EPG5: variants seen among roughly 807,000 people sequenced by gnomAD.
The protein encoded by EPG5 is ectopic P-granules 5 autophagy tethering factor.
Under a neutral mutation model 302.7 loss-of-function variants are expected in EPG5, and 159 were observed. That is an observed-to-expected ratio of 0.53 (90% CI 0.46 to 0.60). The LOEUF is 0.60. Ranked by LOEUF, EPG5 falls within the 20% of genes least tolerant of loss-of-function variation. The pLI is 0.00. For missense variants in EPG5, 2,896 were observed against 3,092.4 expected, an observed-to-expected ratio of 0.94 and a Z score of 1.51; for synonymous variants, 1,158 against 1,136.8, an observed-to-expected ratio of 1.02 and a Z score of -0.37.
chr18:45,928,545 T>C (rs1318684788), intron 13 of EPG5, among the ~76,000 whole-genome samples: 1 of 152,180 alleles, frequency 6.6e-6, no homozygotes, highest in Non-Finnish European at 1.5e-5. Context: ...GTATAAAATA[T>C]AAAAACTATG....
At chr18:45,922,651 A>T in intron 15 of EPG5, 51 bp from the exon 16 acceptor site, 1 of 1,592,822 alleles carries the variant, frequency 6.3e-7, no homozygotes, top group Non-Finnish European at 8.6e-7. Flanking sequence ...AAATTAAATC[A>T]GTAAGCTCAT....
Position 45,847,759 on chromosome 18 carries a change from G to A in EPG5, c.*4708C>T, listed in dbSNP as rs2048377133. ...AAGTAGTGAATATTGCACATTTAAT[G>A]TCCAAAATAAAGTTGTGGTTTTTAA... On this transcript the variant is annotated 3_prime_UTR_variant, in exon 44 of 44. Transcript: ENST00000282041. The A allele has an allele frequency of 6.6e-6, 1 of 152,342 alleles. No individual in the cohort carries two copies. Among genetic ancestry groups the A allele is most frequent in the Non-Finnish European group, 1.5e-5 (1 of 68,016 alleles). The allele number at this position is 152,342 out of a possible 1,614,324, so 9.4% of individuals were successfully genotyped here.
intron 11 of EPG5, among the ~76,000 whole-genome samples, chr18:45,932,138 A>G (rs2050408619): frequency 6.6e-6 from 1 of 152,134 alleles, no homozygotes; most frequent in African/African-American, 2.4e-5. Flanking sequence ...GGATATTTAA[A>G]AAGAAAAAAA....
In EPG5 at chr18:45,848,038, G is replaced by A. The variant is rs2048380647; in HGVS notation, c.*4429C>T. The stretch of plus-strand genomic sequence containing the variant: ...CATCAGGAATCAGGAACCTACCAGA[G>A]TGAAGGAAACCTCAAATACAGCTAC... On this transcript the variant is annotated 3_prime_UTR_variant, in exon 44 of 44. Coordinates refer to ENST00000282041, the MANE Select transcript of EPG5 (RefSeq NM_020964.3). The A allele has an allele frequency of 6.6e-6, 1 of 151,908 alleles. No homozygotes were observed. Among genetic ancestry groups the A allele is most frequent in the Non-Finnish European group, 1.5e-5 (1 of 68,002 alleles). The allele number at this position is 151,908 out of a possible 1,614,324, so 9.4% of individuals were successfully genotyped here. A position where few individuals can be genotyped will look rare whatever the true frequency, so the allele number is the denominator to read the frequency against.
chr18:45,821,558 T>C, the EPG5 span, among the ~76,000 whole-genome samples: 3 of 152,174 alleles, frequency 2.0e-5, no homozygotes, highest in African/African-American at 7.2e-5. Flanking sequence ...AAAGATTTGA[T>C]GAGTAAGACC....
the EPG5 span, among the ~76,000 whole-genome samples, chr18:45,835,438 G>A: frequency 3.9e-5 from 6 of 152,178 alleles, no homozygotes; most frequent in Admixed American, 3.3e-4. Context: ...GCACACAAGG[G>A]CCAAAGTAAC....
At chr18:45,817,122 G>T in the EPG5 span, among the ~76,000 whole-genome samples, 54 of 152,264 alleles carry the variant, frequency 3.5e-4, no homozygotes, top group African/African-American at 1.3e-3. Flanking sequence ...GGGGGAATGC[G>T]TGGGAAGTGG....
chr18:45,824,256 G>A, the EPG5 span, among the ~76,000 whole-genome samples: 1 of 152,202 alleles, frequency 6.6e-6, no homozygotes, highest in Non-Finnish European at 1.5e-5. Context: ...GCCCAGGCTG[G>A]AGGGCAGTGG....
the EPG5 span, chr18:45,838,440 G>A: frequency 5.9e-6 from 3 of 512,770 alleles, no homozygotes; most frequent in South Asian, 2.9e-5. Context: ...CTAGGGAGCC[G>A]GGACCTAGTC....
At chr18:45,961,086 T>C (rs1346113511) in intron 1 of EPG5, among the ~76,000 whole-genome samples, 1 of 152,200 alleles carries the variant, frequency 6.6e-6, no homozygotes, top group Non-Finnish European at 1.5e-5. Context: ...GCAAACCCTC[T>C]TGGCTCTCAG....
chr18:45,952,293 A>C, intron 3 of EPG5, 107 bp downstream of exon 3: 3 of 1,360,408 alleles, frequency 2.2e-6, no homozygotes, highest in Non-Finnish European at 3.0e-6. Flanking sequence ...GCAAGCACAA[A>C]TGGTACCTTG....
the EPG5 span, among the ~76,000 whole-genome samples, chr18:45,808,038 T>C: frequency 6.6e-6 from 1 of 152,082 alleles, no homozygotes; most frequent in Middle Eastern, 3.4e-3. Flanking sequence ...TAAAAAACAA[T>C]AGAAACTTCA....
chr18:45,847,519 T>C (rs745391850), downstream of EPG5: 1 of 152,342 alleles, frequency 6.6e-6, no homozygotes, highest in Non-Finnish European at 1.5e-5. Flanking sequence ...ATTACGAAGT[T>C]TCTCATATAA....
intron 35 of EPG5, 89 bp downstream of exon 35, chr18:45,876,147 A>G (rs535051520): frequency 7.0e-6 from 6 of 853,466 alleles, no homozygotes; most frequent in Non-Finnish European, 1.1e-5. Flanking sequence ...CCTATTAAAT[A>G]AAAATTAAAT....
chr18:45,902,356 A>G (rs1414777747), intron 25 of EPG5, among the ~76,000 whole-genome samples: 1 of 152,208 alleles, frequency 6.6e-6, no homozygotes. Flanking sequence ...TCACCACTGG[A>G]TAAGACTTGT....
chr18:45,853,396 TAGG>T (rs935146072), intron 43 of EPG5, among the ~76,000 whole-genome samples: 18 of 152,334 alleles, frequency 1.2e-4, no homozygotes, highest in African/African-American at 3.6e-4. Flanking sequence ...TTCTTCATAG[TAGG>T]AGAAGAGAAG....
At chr18:45,835,701 A>G in the EPG5 span, among the ~76,000 whole-genome samples, 2 of 152,188 alleles carry the variant, frequency 1.3e-5, no homozygotes, top group African/African-American at 4.8e-5. Context: ...TAACACTTTT[A>G]CCTGATGGCA....
chr18:45,867,544 A>G lies in EPG5; in HGVS notation c.6411+19T>C. On this transcript the variant is annotated intron_variant, in intron 37 of 43. Coordinates refer to ENST00000282041, the MANE Select transcript of EPG5 (RefSeq NM_020964.3). ...TAAGCAGCCTTGCCGAATTTTTGCC[A>G]TAAGCTTCCCAAACTTACTGTTTGG... The G allele has an allele frequency of 1.9e-6, 3 of 1,609,844 alleles. No individual in the cohort carries two copies. Among genetic ancestry groups the G allele is most frequent in the Non-Finnish European group, 2.5e-6 (3 of 1,177,408 alleles).
At chr18:45,835,654 G>A in the EPG5 span, among the ~76,000 whole-genome samples, 4 of 152,162 alleles carry the variant, frequency 2.6e-5, no homozygotes, top group African/African-American at 9.7e-5. Context: ...ATGTCCAATT[G>A]TTTGTGGCAC....
Sources: allele counts gnomAD v4.1 joint callset (sites outside exome capture counted in the v4.1 genomes callset), GRCh38; gene constraint gnomAD v4.1.1; transcripts MANE v1.5; gene names NCBI Gene and HGNC (gene_info 2026-07-23, HGNC 2026-07-21).